Variants in PHYHIPL observed in about 807,000 individuals in gnomAD.
PHYHIPL encodes phytanoyl-CoA 2-hydroxylase interacting protein like.
In PHYHIPL, 9 loss-of-function variants were observed where a neutral mutation model predicts 33.4. The observed-to-expected ratio is 0.27, with a 90% CI of 0.16 to 0.47. The LOEUF is 0.47. PHYHIPL is among the 20% of genes least tolerant of loss of function. PHYHIPL has a pLI of 0.99. For missense variants in PHYHIPL, 365 were observed against 460.7 expected, an observed-to-expected ratio of 0.79 and a Z score of 1.90; for synonymous variants, 153 against 154.1, an observed-to-expected ratio of 0.99 and a Z score of 0.05.
At chr10:59,204,488 T>TA (rs1443459917) in intron 1 of PHYHIPL, among the ~76,000 whole-genome samples, 1 of 152,216 alleles carries the variant, frequency 6.6e-6, no homozygotes, top group African/African-American at 2.4e-5. Flanking sequence ...AGAATTATTT[T>TA]AAAAAGAAAG....
Position 59,239,777 on chromosome 10 carries a change from G to T in PHYHIPL, c.596+1072G>T, listed in dbSNP as rs1056867323. ...TTTTAAAAGCCTTAGTCTCACTAAG[G>T]CTTTTAAAATGGCAAATGCTATATA... On this transcript the variant is annotated intron_variant, in intron 4 of 4. Transcript: ENST00000373880. Among the ~76,000 whole-genome samples, 3 of 151,882 alleles carry T rather than the reference G, an allele frequency of 2.0e-5. No individual in the cohort carries two copies. In the South Asian group the frequency reaches 6.2e-4, roughly 32 times the overall value.
intron 1 of PHYHIPL, among the ~76,000 whole-genome samples, chr10:59,209,980 A>T (rs934385377): frequency 6.6e-6 from 1 of 152,226 alleles, no homozygotes; most frequent in Non-Finnish European, 1.5e-5. Context: ...AAAACTCTAG[A>T]AAGAAACCTA....
intron 1 of PHYHIPL, among the ~76,000 whole-genome samples, chr10:59,190,808 C>T (rs947843908): frequency 6.6e-5 from 10 of 151,734 alleles, no homozygotes; most frequent in African/African-American, 2.4e-4. Context: ...ATTCAGGACA[C>T]CCAGCTAAGT....
At chr10:59,213,567 G>A (rs1246417645) in intron 1 of PHYHIPL, among the ~76,000 whole-genome samples, 3 of 152,132 alleles carry the variant, frequency 2.0e-5, no homozygotes, top group Admixed American at 6.6e-5. Context: ...TTTGTAATGG[G>A]AGTCAGTTAC....
chr10:59,235,338 T>C (rs1589295446), intron 2 of PHYHIPL, among the ~76,000 whole-genome samples: 1 of 151,928 alleles, frequency 6.6e-6, no homozygotes, highest in East Asian at 1.9e-4. Flanking sequence ...TTTCCAGAAG[T>C]ATCTATAGAG....
At chr10:59,230,809 A>G (rs1840057899) in intron 1 of PHYHIPL, among the ~76,000 whole-genome samples, 1 of 152,180 alleles carries the variant, frequency 6.6e-6, no homozygotes, top group African/African-American at 2.4e-5. Flanking sequence ...CTAGAAGGGC[A>G]GTTAAAACCA....
chr10:59,191,047 C>T (rs1798809254), intron 1 of PHYHIPL, among the ~76,000 whole-genome samples: 1 of 151,742 alleles, frequency 6.6e-6, no homozygotes, highest in Admixed American at 6.6e-5. Flanking sequence ...ATCTATTTTC[C>T]TCAATATAGT....
intron 1 of PHYHIPL, among the ~76,000 whole-genome samples, chr10:59,180,642 T>C (rs1366710416): frequency 1.3e-5 from 2 of 151,914 alleles, no homozygotes; most frequent in African/African-American, 4.8e-5. Flanking sequence ...GATTTCCTTG[T>C]CTTTGTCTCT....
chr10:59,209,673 A>G (rs747157963), intron 1 of PHYHIPL, among the ~76,000 whole-genome samples: 1 of 152,216 alleles, frequency 6.6e-6, no homozygotes, highest in South Asian at 2.1e-4. Flanking sequence ...AAACTATACT[A>G]CAAGGCTACA....
intron 1 of PHYHIPL, among the ~76,000 whole-genome samples, chr10:59,213,121 G>C (rs1408166927): frequency 6.6e-6 from 1 of 151,820 alleles, no homozygotes; most frequent in Non-Finnish European, 1.5e-5. Context: ...AGACTATTTA[G>C]AATGTATAAG....
intron 1 of PHYHIPL, among the ~76,000 whole-genome samples, chr10:59,193,021 A>G (rs1198565655): frequency 6.6e-6 from 1 of 151,934 alleles, no homozygotes; most frequent in African/African-American, 2.4e-5. Flanking sequence ...TCTCTGAGTT[A>G]TTTTCTCTTG....
chr10:59,177,305 T>C (rs7900101), intron 1 of PHYHIPL: 14,165 of 662,216 alleles, frequency 0.021, 737 homozygotes, highest in African/African-American at 0.16. Flanking sequence ...CCTGGGTCTC[T>C]GGGCACTGAA....
Position 59,245,280 on chromosome 10 carries a change from A to G in PHYHIPL, c.820A>G (p.Met274Val). ...TNLYFGDFYC[M>V]YTAYHYVILV... ...CTTATACTTTGGGGACTTCTACTGTATGTACACTGCTTATCATTATGTGAT... is the reference window on the plus strand; with the variant it reads ...CTTATACTTTGGGGACTTCTACTGTGTGTACACTGCTTATCATTATGTGAT... The change falls in exon 5 of 5, where the codon ATG becomes GTG. Residue 274 changes from methionine (M) to valine (V), a missense_variant. By Grantham distance (21) the Met-to-Val change is conservative (BLOSUM62 1). Around this residue, in one of 4 missense-constraint regions of PHYHIPL, gnomAD observed 196 missense variants for 224.9 expected, o/e 0.87. Transcript: ENST00000373880. 1 of 1,614,146 alleles carries G rather than the reference A, an allele frequency of 6.2e-7. No individual in the cohort carries two copies. Among genetic ancestry groups the G allele is most frequent in the Non-Finnish European group, 8.5e-7 (1 of 1,180,016 alleles).
At chr10:59,212,621 A>G (rs969275104) in intron 1 of PHYHIPL, among the ~76,000 whole-genome samples, 1 of 152,180 alleles carries the variant, frequency 6.6e-6, no homozygotes, top group Non-Finnish European at 1.5e-5. Flanking sequence ...TTTTCTGTCC[A>G]TAAATCCTCT....
At chr10:59,183,069 T>C (rs1262272654) in intron 1 of PHYHIPL, among the ~76,000 whole-genome samples, 4 of 152,168 alleles carry the variant, frequency 2.6e-5, no homozygotes. Context: ...GATGATATTA[T>C]ATATACTGCT....
intron 1 of PHYHIPL, among the ~76,000 whole-genome samples, chr10:59,212,636 C>T (rs1839491597): frequency 6.6e-6 from 1 of 152,204 alleles, no homozygotes. Flanking sequence ...TCCTCTTCAA[C>T]CACTCAGCAG....
chr10:59,234,521 A>G, intron 2 of PHYHIPL, 21 bp downstream of exon 2: 1 of 1,478,632 alleles, frequency 6.8e-7, no homozygotes, highest in Non-Finnish European at 9.0e-7. Flanking sequence ...ACAAATACTC[A>G]TGCTAATTTG....
intron 1 of PHYHIPL, among the ~76,000 whole-genome samples, chr10:59,181,174 A>G (rs1838404755): frequency 1.3e-5 from 2 of 152,202 alleles, no homozygotes. Flanking sequence ...ACCAGTGTTG[A>G]TATTAATACA....
intron 1 of PHYHIPL, chr10:59,183,593 A>T: frequency 1.1e-6 from 1 of 940,418 alleles, no homozygotes; most frequent in Non-Finnish European, 1.3e-6. Context: ...CCAACTTTAA[A>T]CAACAAAGAT....
Sources: allele counts gnomAD v4.1 joint callset (sites outside exome capture counted in the v4.1 genomes callset), GRCh38; gene constraint gnomAD v4.1.1; regional missense constraint gnomAD v4.1.1; transcripts MANE v1.5; gene names NCBI Gene and HGNC (gene_info 2026-07-23, HGNC 2026-07-21).